MIER3: variants seen among roughly 807,000 people sequenced by gnomAD.
MIER3 encodes the protein mesoderm induction early response protein 3.
MIER3 carries 9 observed loss-of-function variants against 63.2 expected under a neutral mutation model. The observed-to-expected ratio is 0.14, with a 90% CI of 0.09 to 0.25. The LOEUF (loss-of-function observed/expected upper bound fraction) is 0.25. Among genes scored for constraint, MIER3 ranks in the 10% least tolerant of loss-of-function variants. The pLI is 1.00. For synonymous variants in MIER3, 205 were observed against 224.9 expected, an observed-to-expected ratio of 0.91 and a Z score of 0.79; for missense variants, 512 against 666.2, an observed-to-expected ratio of 0.77 and a Z score of 2.55.
Position 56,933,346 on chromosome 5 carries a change from G to T in MIER3, c.648C>A (p.Ser216Arg). ...TCTCAACAAGGTATTCCTTAACTTT[G>T]CTCTCCAAAACCACATCAGGACACC... ...LLWCPDVVLE[S>R]KVKEYLVETS... Residue 216 changes from serine (S) to arginine (R), a missense_variant, in exon 8 of 13, where the codon AGC (serine) becomes AGA (arginine). Physicochemically the swap from Ser to Arg is moderately radical, Grantham distance 110. Coordinates refer to ENST00000381199, the MANE Select transcript of MIER3 (RefSeq NM_001297599.2). 1 of 1,612,734 alleles carries T rather than the reference G, an allele frequency of 6.2e-7. No individual in the cohort carries two copies. The highest frequency in any genetic ancestry group is 1.1e-5 in the South Asian group (1 of 90,868).
chr5:56,936,125 G>A (rs1370094945), intron 5 of MIER3, among the ~76,000 whole-genome samples: 1 of 152,094 alleles, frequency 6.6e-6, no homozygotes, highest in Non-Finnish European at 1.5e-5. Flanking sequence ...GCTGAGGCAG[G>A]AGAATCGCCT....
intron 1 of MIER3, among the ~76,000 whole-genome samples, chr5:56,951,367 G>A (rs527301020): frequency 2.3e-4 from 35 of 152,128 alleles, no homozygotes; most frequent in Non-Finnish European, 4.4e-4. Context: ...AGTCCCGGGG[G>A]ACATGGCCGG....
At position 56,919,976 on chromosome 5, in the gene MIER3, G is replaced by A. The variant is rs1406179905; in HGVS notation, c.*3152C>T. 2 of 152,536 alleles carry A rather than the reference G, an allele frequency of 1.3e-5. No homozygotes were observed. The highest frequency in any genetic ancestry group is 2.9e-5 in the Non-Finnish European group (2 of 67,988). The allele number at this position is 152,536 out of a possible 1,614,324, so 9.4% of individuals were successfully genotyped here. A position where few individuals can be genotyped will look rare whatever the true frequency, so the allele number is the denominator to read the frequency against. On this transcript the variant is annotated 3_prime_UTR_variant, in exon 13 of 13. Transcript: ENST00000381199. ...TTTCCATTTGTAGACAATGTGCTTT[G>A]AAACTCTGGGCAAACAATCTCCTTG...
In MIER3 at chr5:56,920,780, T is replaced by C. The variant is rs1276808181; in HGVS notation, c.*2348A>G. On this transcript the variant is annotated 3_prime_UTR_variant, in exon 13 of 13. Coordinates refer to ENST00000381199, the MANE Select transcript of MIER3 (RefSeq NM_001297599.2). ...CAGAAGTAGTCAGAAAATATTGAAT[T>C]AGATCTAAAAAGATATGAAGAATTT... 6.6e-6 allele frequency: 1 copy of C among 152,280 alleles called. No homozygotes were observed. 9.4% of individuals were successfully genotyped at this position (152,280 alleles called of 1,614,324 possible).
At chr5:56,948,934 G>A (rs1429163421) in intron 2 of MIER3, among the ~76,000 whole-genome samples, 1 of 152,096 alleles carries the variant, frequency 6.6e-6, no homozygotes, top group Non-Finnish European at 1.5e-5. Context: ...AGGACCTGAG[G>A]GTCTACTCCC....
chr5:56,941,386 C>T (rs1279898194), intron 3 of MIER3: 1 of 152,698 alleles, frequency 6.5e-6, no homozygotes, highest in Non-Finnish European at 1.5e-5. Context: ...GTGTAACAAA[C>T]AAATAGAGCC....
At chr5:56,939,453 C>T (rs1324920304) in intron 3 of MIER3, among the ~76,000 whole-genome samples, 2 of 152,174 alleles carry the variant, frequency 1.3e-5, no homozygotes, top group African/African-American at 4.8e-5. Flanking sequence ...TGGTAGAAAA[C>T]CTTTGCTGAA....
At chr5:56,929,335 G>A (rs1750172464) in intron 9 of MIER3, 2 of 152,556 alleles carry the variant, frequency 1.3e-5, no homozygotes, top group Admixed American at 6.6e-5. Context: ...TGGGAGGCCA[G>A]CGCAGGAGGA....
At chr5:56,939,908 A>G (rs554439886) in intron 3 of MIER3, among the ~76,000 whole-genome samples, 15 of 152,350 alleles carry the variant, frequency 9.8e-5, no homozygotes, top group African/African-American at 3.4e-4. Context: ...TACATTAACT[A>G]CTTTTGTCTA....
chr5:56,944,747 A>G (rs1160286312), intron 3 of MIER3, among the ~76,000 whole-genome samples: 1 of 152,132 alleles, frequency 6.6e-6, no homozygotes, highest in Non-Finnish European at 1.5e-5. Context: ...TCTGGAATAC[A>G]GTGGCACAAT....
intron 1 of MIER3, among the ~76,000 whole-genome samples, chr5:56,951,301 C>T (rs1268565529): frequency 1.3e-5 from 2 of 152,086 alleles, no homozygotes; most frequent in Non-Finnish European, 2.9e-5. Context: ...GCCCCCCGCC[C>T]CAGCGAGCTC....
chr5:56,930,132 G>A (rs1430311588), intron 9 of MIER3, among the ~76,000 whole-genome samples: 7 of 151,882 alleles, frequency 4.6e-5, no homozygotes, highest in Admixed American at 4.6e-4. Flanking sequence ...AAGCTATGGT[G>A]CATGCAATCC....
At chr5:56,930,349 C>A (rs539205655) in intron 9 of MIER3, among the ~76,000 whole-genome samples, 3 of 150,706 alleles carry the variant, frequency 2.0e-5, no homozygotes, top group African/African-American at 4.9e-5. Flanking sequence ...AAGAAAAAAT[C>A]TTTTTTTCAA....
chr5:56,951,442 C>T (rs2112163060), intron 1 of MIER3, among the ~76,000 whole-genome samples: 1 of 152,266 alleles, frequency 6.6e-6, no homozygotes, highest in South Asian at 2.1e-4. Context: ...TCAAGCCGCT[C>T]TCCTGGAGAG....
In MIER3 at chr5:56,922,655, T is replaced by A. The variant is rs994923555; in HGVS notation, c.*473A>T. The A allele has an allele frequency of 7.6e-5, 12 of 157,918 alleles. No individual in the cohort carries two copies. Among genetic ancestry groups the A allele is most frequent in the African/African-American group, 2.7e-4 (11 of 41,476 alleles). 9.8% of individuals were successfully genotyped at this position (157,918 alleles called of 1,614,324 possible). On this transcript the variant is annotated 3_prime_UTR_variant, in exon 13 of 13. Coordinates refer to ENST00000381199, the MANE Select transcript of MIER3 (RefSeq NM_001297599.2). ...AAAAAAATGCTACATTGAGCAGGGATCGGGATCGGTACCTGTAAACATTGT... is the reference window on the plus strand; with the variant it reads ...AAAAAAATGCTACATTGAGCAGGGAACGGGATCGGTACCTGTAAACATTGT...
intron 10 of MIER3, among the ~76,000 whole-genome samples, chr5:56,926,016 T>C (rs1294146769): frequency 6.6e-6 from 1 of 151,904 alleles, no homozygotes; most frequent in Non-Finnish European, 1.5e-5. Flanking sequence ...TTTCCACAAA[T>C]GATGCTAGTA....
intron 9 of MIER3, 120 bp from the exon 10 acceptor site, chr5:56,928,981 ACT>A: frequency 4.3e-6 from 2 of 469,104 alleles, no homozygotes; most frequent in Admixed American, 4.1e-5. Context: ...ACACACACAC[ACT>A]CTCTCTCTCA....
intron 10 of MIER3, 117 bp from the exon 11 acceptor site, chr5:56,924,159 T>C (rs1222867131): frequency 3.1e-6 from 3 of 956,070 alleles, no homozygotes; most frequent in Non-Finnish European, 4.6e-6. Flanking sequence ...CATTATATAG[T>C]TCTGAACACT....
At chr5:56,950,746 C>T (rs1750994187) in intron 1 of MIER3, 94 bp from the exon 2 acceptor site, 5 of 1,434,388 alleles carry the variant, frequency 3.5e-6, no homozygotes, top group Middle Eastern at 1.9e-4. Flanking sequence ...GAGTCGAGCG[C>T]TCCTCCGCAG....
Sources: gnomAD v4.1 joint callset for allele counts (sites outside exome capture counted in the v4.1 genomes callset) on GRCh38, gnomAD v4.1.1 for gene constraint, MANE v1.5 for transcripts, NCBI Gene and HGNC (gene_info 2026-07-23, HGNC 2026-07-21) for gene names.